The following MPRIP variants were observed in gnomAD, a reference collection of about 807,000 sequenced individuals.
MPRIP encodes the protein myosin phosphatase Rho interacting protein, also known as myosin phosphatase Rho-interacting protein.
In MPRIP, 59 loss-of-function variants were observed where a neutral mutation model predicts 234.9. That is an observed-to-expected ratio of 0.25 (90% CI 0.20 to 0.31). The LOEUF (loss-of-function observed/expected upper bound fraction) is 0.31. Ranked by LOEUF, MPRIP falls within the 10% of genes least tolerant of loss-of-function variation. The probability of loss-of-function intolerance (pLI) is 1.00; values close to 1 mark genes in which losing one functional copy is unlikely to be tolerated. For synonymous variants in MPRIP, 1,144 were observed against 1,263.9 expected (o/e 0.91, Z 2.01); for missense variants, 2,436 against 3,071.0 (o/e 0.79, Z 4.89).
At chr17:17,137,894 T>G in intron 6 of MPRIP, 22 bp from the exon 7 acceptor site, 1 of 1,549,100 alleles carries the variant, frequency 6.5e-7, no homozygotes, top group Non-Finnish European at 8.7e-7. Flanking sequence ...GTGCGTCTCC[T>G]CCCTCCCACT....
At chr17:17,108,260 C>G (rs2144263361) in intron 3 of MPRIP, among the ~76,000 whole-genome samples, 1 of 152,372 alleles carries the variant, frequency 6.6e-6, no homozygotes, top group South Asian at 2.1e-4. Context: ...TGTCTCCACA[C>G]TCTTCTGTCT....
chr17:17,182,598 C>T (rs1192750451), intron 23 of MPRIP: 2 of 152,338 alleles, frequency 1.3e-5, no homozygotes, highest in Non-Finnish European at 2.9e-5. Flanking sequence ...GTGGGAATAA[C>T]GTAGGGGATT....
chr17:17,167,976 G>T lies in MPRIP; in HGVS notation c.6324+61G>T. ...TCCTTGATAATGGGGTGGGTGTGGGGACGTCTGGCTCAGCTACCGTGCAGG... is the reference window on the plus strand; with the variant it reads ...TCCTTGATAATGGGGTGGGTGTGGGTACGTCTGGCTCAGCTACCGTGCAGG... On this transcript the variant is annotated intron_variant, in intron 16 of 23. Coordinates refer to ENST00000651222, the MANE Select transcript of MPRIP (RefSeq NM_001364716.4). This position sits in a 1 kb window ranked among gnomAD's most constrained non-coding sequence, Gnocchi z 5.9. The T allele has an allele frequency of 8.2e-7, 1 of 1,219,032 alleles. No individual in the cohort carries two copies. The highest frequency in any genetic ancestry group is 1.1e-6 in the Non-Finnish European group (1 of 935,304). The allele number at this position is 1,219,032 out of a possible 1,614,324, so 75.5% of individuals were successfully genotyped here.
At chr17:17,162,563 G>C (rs910844923) in intron 15 of MPRIP, among the ~76,000 whole-genome samples, 2 of 152,156 alleles carry the variant, frequency 1.3e-5, no homozygotes, top group East Asian at 3.8e-4. Context: ...GTTCAGACCT[G>C]GTGAACAGGG....
rs759890053 is a variant in MPRIP, at chr17:17,171,874, G to A, written c.6472+9G>A. The A allele has an allele frequency of 2.5e-6, 4 of 1,611,664 alleles. No individual in the cohort carries two copies. The highest frequency in any genetic ancestry group is 1.1e-5 in the South Asian group (1 of 90,822). On this transcript the variant is annotated intron_variant, in intron 17 of 23. Coordinates refer to ENST00000651222, the MANE Select transcript of MPRIP (RefSeq NM_001364716.4). ...AGCGGCCACCATCTCAGGTTGGGGG[G>A]TGGGGTAACCCTGAGGGCAGGGTGG... is the stretch of plus-strand genomic sequence containing the variant.
rs560410295 is a variant in MPRIP at position 17,138,765 on chromosome 17, T to G, written c.1250+336T>G. On this transcript the variant is annotated intron_variant, in intron 7 of 23. Coordinates refer to ENST00000651222, the MANE Select transcript of MPRIP (RefSeq NM_001364716.4). This position sits in a 1 kb window ranked among gnomAD's most constrained non-coding sequence, Gnocchi z 5.8. ...ATCTTTTCCTCCTGGGCCATTTCTA[T>G]TCTCTGAAGTGGCATGGAGGCAGGG... Among the ~76,000 whole-genome samples the G allele has an allele frequency of 6.6e-6, 1 of 152,258 alleles. No homozygotes were observed. Among genetic ancestry groups the G allele is most frequent in the South Asian group, 2.1e-4 (1 of 4,820 alleles).
At chr17:17,125,046 C>T (rs1292423393) in intron 3 of MPRIP, among the ~76,000 whole-genome samples, 1 of 152,154 alleles carries the variant, frequency 6.6e-6, no homozygotes, top group African/African-American at 2.4e-5. Context: ...CTGAGGCTGC[C>T]TCCTGTACCC....
At chr17:17,152,333 C>G (rs2045621288) in intron 12 of MPRIP, among the ~76,000 whole-genome samples, 1 of 152,262 alleles carries the variant, frequency 6.6e-6, no homozygotes, top group South Asian at 2.1e-4. Flanking sequence ...GAGCAGCTTT[C>G]TCCAGGCAGG....
chr17:17,050,184 G>A (rs2088490516), intron 1 of MPRIP, among the ~76,000 whole-genome samples: 2 of 152,008 alleles, frequency 1.3e-5, no homozygotes. Context: ...GCGTGGTGGT[G>A]GGCGCCTGTA....
intron 12 of MPRIP, 27 bp from the exon 13 acceptor site, chr17:17,154,279 T>C (rs1469440082): frequency 6.2e-7 from 1 of 1,601,798 alleles, no homozygotes; most frequent in Non-Finnish European, 8.6e-7. Context: ...GGACAGTCAC[T>C]GATGGTGCCT....
rs183542965 is a variant in MPRIP, at chr17:17,159,456, G to A, written c.2400+454G>A. Among the ~76,000 whole-genome samples, 387 of 152,344 alleles carry A rather than the reference G, an allele frequency of 2.5e-3. 3 individuals are homozygous for A. The highest frequency in any genetic ancestry group is 3.4e-3 in the Middle Eastern group (1 of 294). The stretch of plus-strand genomic sequence containing the variant: ...CGGCCGATCAGATCTGAAGCCAGGG[G>A]CATCCAGCAGGAGATGACAGCTGGG... On this transcript the variant is annotated intron_variant, in intron 14 of 23. Transcript: ENST00000651222.
intron 5 of MPRIP, among the ~76,000 whole-genome samples, chr17:17,135,744 G>A (rs572353095): frequency 2.0e-5 from 3 of 152,310 alleles, no homozygotes; most frequent in African/African-American, 7.2e-5. Context: ...TCACCTTGGG[G>A]GTTAGGATTT....
intron 11 of MPRIP, 131 bp downstream of exon 11, chr17:17,147,518 C>T (rs534620887): frequency 2.4e-5 from 21 of 859,554 alleles, no homozygotes; most frequent in Non-Finnish European, 3.8e-6. Flanking sequence ...GGTGGTGTTA[C>T]CTTGCCGAAG....
intron 15 of MPRIP, among the ~76,000 whole-genome samples, chr17:17,162,649 T>C (rs1220854305): frequency 6.6e-6 from 1 of 152,224 alleles, no homozygotes; most frequent in African/African-American, 2.4e-5. Flanking sequence ...TAATTCTTGA[T>C]TGGGCCTCAT....
rs2046555082 is a variant in MPRIP at position 17,189,986 on chromosome 17, A to G, written c.*5092A>G. ...TTCCTTAGAATTAAGGTATCTACCC[A>G]CTGTTTTCGCACCTTTCACCTTCCT... On this transcript the variant is annotated 3_prime_UTR_variant, in exon 24 of 24. Transcript: ENST00000651222. 1 of 152,210 alleles carries G rather than the reference A, an allele frequency of 6.6e-6. No homozygotes were observed. The highest frequency in any genetic ancestry group is 1.5e-5 in the Non-Finnish European group (1 of 68,044). 9.4% of individuals were successfully genotyped at this position (152,210 alleles called of 1,614,324 possible).
intron 4 of MPRIP, among the ~76,000 whole-genome samples, chr17:17,128,731 C>T (rs1174674226): frequency 6.6e-6 from 1 of 152,202 alleles, no homozygotes; most frequent in African/African-American, 2.4e-5. Flanking sequence ...TCCGCCCTCA[C>T]CTTCCCACAA....
intron 5 of MPRIP, among the ~76,000 whole-genome samples, chr17:17,132,491 T>C (rs1238748988): frequency 1.3e-5 from 2 of 152,184 alleles, no homozygotes; most frequent in African/African-American, 2.4e-5. Context: ...CTGAGCCTCA[T>C]AGTCACCCGA....
chr17:17,120,121 C>T (rs2090360604), intron 3 of MPRIP, among the ~76,000 whole-genome samples: 1 of 152,134 alleles, frequency 6.6e-6, no homozygotes, highest in East Asian at 1.9e-4. Context: ...GGGAAGACTC[C>T]CACCCAGGTC....
Position 17,081,043 on chromosome 17 carries a change from T to C in MPRIP, c.267+2967T>C, listed in dbSNP as rs565398914. Among the ~76,000 whole-genome samples the C allele has an allele frequency of 2.0e-5, 3 of 152,322 alleles. No individual in the cohort carries two copies. The East Asian group carries it at 5.8e-4, about 29-fold the overall frequency. ...TTGCAAAGCAATCCCTACCTGGGCA[T>C]TTGTCTCCAAAAGCAGCAGCTCTAA... On this transcript the variant is annotated intron_variant, in intron 3 of 23. Transcript: ENST00000651222.
Sources: gnomAD v4.1 joint callset for allele counts (sites outside exome capture counted in the v4.1 genomes callset) on GRCh38, gnomAD v4.1.1 for gene constraint, Gnocchi (gnomAD v3.1) non-coding constraint, MANE v1.5 for transcripts, NCBI Gene and HGNC (gene_info 2026-07-23, HGNC 2026-07-21) for gene names.